Variants in KDM4B observed in about 807,000 individuals in gnomAD.
The protein encoded by KDM4B is lysine-specific demethylase 4B.
KDM4B carries 32 observed loss-of-function variants against 125.2 expected under a neutral mutation model. The observed-to-expected ratio is 0.26, with a 90% confidence interval of 0.19 to 0.34. The LOEUF (loss-of-function observed/expected upper bound fraction) is 0.34, where lower values mean the gene tolerates loss of function less well. Ranked by LOEUF, KDM4B falls within the 10% of genes least tolerant of loss-of-function variation. The probability of loss-of-function intolerance (pLI) is 1.00; values close to 1 mark genes in which losing one functional copy is unlikely to be tolerated. For missense variants in KDM4B, 1,190 were observed against 1,577.7 expected (o/e 0.75, Z 4.16); for synonymous variants, 721 against 677.9 (o/e 1.06, Z -0.99).
chr19:5,069,165 T>A (rs1374948102), intron 6 of KDM4B, among the ~76,000 whole-genome samples: 1 of 152,132 alleles, frequency 6.6e-6, no homozygotes, highest in Non-Finnish European at 1.5e-5. Flanking sequence ...GACGACAGAG[T>A]TGAAGGTGCT....
intron 1 of KDM4B, among the ~76,000 whole-genome samples, chr19:4,981,259 G>A (rs2034630877): frequency 6.6e-6 from 1 of 152,100 alleles, no homozygotes. Context: ...GTCACCCCTG[G>A]TGAGCAGGAC....
chr19:5,030,270 C>T lies in KDM4B; in HGVS notation c.-25-2596C>T, dbSNP rs932562823. Among the ~76,000 whole-genome samples, 13 of 152,320 alleles carry T rather than the reference C, an allele frequency of 8.5e-5. No individual in the cohort carries two copies. In the East Asian group the frequency reaches 1.4e-3, roughly 16 times the overall value. Reference sequence around the variant, plus strand: ...CACAGGTGTGTGCCACCGTGCCTAGCGCTTTCCTGTCGTACAGAGCACAAG... The same window carrying T: ...CACAGGTGTGTGCCACCGTGCCTAGTGCTTTCCTGTCGTACAGAGCACAAG... On this transcript the variant is annotated intron_variant, in intron 2 of 22. Transcript: ENST00000159111.
intron 9 of KDM4B, among the ~76,000 whole-genome samples, chr19:5,099,770 C>T (rs2038896605): frequency 6.6e-6 from 1 of 152,250 alleles, no homozygotes; most frequent in African/African-American, 2.4e-5. Context: ...CTCACCCCTT[C>T]TACCAGAGGA....
rs140451318 is a variant in KDM4B at position 5,023,936 on chromosome 19, G to A, written c.-26+7597G>A. ...CGCCTGGCTGATTTTTAAATTTTTT[G>A]TAGAGATGGGGTCTCGCTATGTTCA... On this transcript the variant is annotated intron_variant, in intron 2 of 22. Transcript: ENST00000159111. 9.9e-5 allele frequency among the ~76,000 whole-genome samples: 15 copies of A among 151,900 alleles called. No homozygotes were observed. The East Asian group carries it at 1.6e-3, about 16-fold the overall frequency.
intron 9 of KDM4B, among the ~76,000 whole-genome samples, chr19:5,096,465 G>A (rs995884280): frequency 2.2e-4 from 33 of 152,234 alleles, no homozygotes; most frequent in African/African-American, 7.7e-4. Flanking sequence ...TGGGGAGCAC[G>A]GTCCCAGGTC....
At chr19:4,970,123 G>T (rs1238031887) in intron 1 of KDM4B, among the ~76,000 whole-genome samples, 1 of 152,178 alleles carries the variant, frequency 6.6e-6, no homozygotes, top group Non-Finnish European at 1.5e-5. Flanking sequence ...GCCCAGGTCT[G>T]CGCTCAGTGG....
chr19:5,003,808 T>TA (rs2035467526), intron 1 of KDM4B, among the ~76,000 whole-genome samples: 2 of 151,820 alleles, frequency 1.3e-5, no homozygotes, highest in South Asian at 4.2e-4. Context: ...AGACCCCGTC[T>TA]AAAAAAAAGG....
chr19:5,060,462 A>AAAAAAAAAAAAAC (rs2037556892), intron 6 of KDM4B, among the ~76,000 whole-genome samples: 2 of 64,814 alleles, frequency 3.1e-5, no homozygotes, highest in African/African-American at 1.7e-4. Flanking sequence ...AAAAAAAAAA[A>AAAAAAAAAAAAAC]AGGGAGCCAT....
chr19:5,120,405 G>C (rs944940295), intron 11 of KDM4B, among the ~76,000 whole-genome samples: 2 of 152,232 alleles, frequency 1.3e-5, no homozygotes, highest in African/African-American at 4.8e-5. Context: ...AGCCACTTGT[G>C]GGCAGAGGGC....
At chr19:5,098,359 A>G (rs75669108) in intron 9 of KDM4B, among the ~76,000 whole-genome samples, 19 of 152,324 alleles carry the variant, frequency 1.2e-4, no homozygotes, top group African/African-American at 4.1e-4. Flanking sequence ...TATGGCTCAG[A>G]AGGCGTAATC....
At chr19:5,102,224 GT>G (rs2038951029) in intron 9 of KDM4B, among the ~76,000 whole-genome samples, 1 of 152,322 alleles carries the variant, frequency 6.6e-6, no homozygotes, top group East Asian at 1.9e-4. Context: ...CATCCTCCCT[GT>G]CCTTGCAGGT....
At chr19:5,015,346 G>A (rs533637089) in intron 1 of KDM4B, among the ~76,000 whole-genome samples, 9 of 151,902 alleles carry the variant, frequency 5.9e-5, no homozygotes, top group South Asian at 2.1e-4. Flanking sequence ...CTACCTCCCA[G>A]GTTCAAGTGA....
chr19:5,028,330 G>A (rs561648683), intron 2 of KDM4B, among the ~76,000 whole-genome samples: 2 of 152,300 alleles, frequency 1.3e-5, no homozygotes, highest in African/African-American at 4.8e-5. Context: ...AGCCTGGGGT[G>A]TAACACACGG....
At chr19:5,051,766 G>A (rs1301036283) in intron 6 of KDM4B, among the ~76,000 whole-genome samples, 4 of 152,240 alleles carry the variant, frequency 2.6e-5, no homozygotes, top group Admixed American at 6.5e-5. Context: ...GCGAAGGAGC[G>A]CTTGCCCGGA....
chr19:5,090,385 T>C, intron 9 of KDM4B, among the ~76,000 whole-genome samples: 1 of 40,456 alleles, frequency 2.5e-5, no homozygotes, highest in Admixed American at 2.8e-4. Flanking sequence ...TCCCCCCATA[T>C]CTCTCCCCCT....
chr19:4,990,673 G>A (rs958083514), intron 1 of KDM4B, among the ~76,000 whole-genome samples: 2 of 152,180 alleles, frequency 1.3e-5, no homozygotes, highest in Non-Finnish European at 2.9e-5. Context: ...ACTAGTTCTG[G>A]TCGCCTCTCC....
intron 1 of KDM4B, among the ~76,000 whole-genome samples, chr19:5,000,910 T>A (rs1032514507): frequency 6.6e-6 from 1 of 152,134 alleles, no homozygotes; most frequent in Non-Finnish European, 1.5e-5. Context: ...GGCGGAGAAG[T>A]GTCATCAACC....
chr19:5,084,988 G>A (rs537933641), intron 9 of KDM4B, among the ~76,000 whole-genome samples: 11 of 152,136 alleles, frequency 7.2e-5, no homozygotes, highest in Non-Finnish European at 1.5e-4. Context: ...TTACAGGCGC[G>A]AGCCACCACA....
intron 9 of KDM4B, among the ~76,000 whole-genome samples, chr19:5,089,006 C>T (rs2038601245): frequency 6.6e-6 from 1 of 152,010 alleles, no homozygotes. Flanking sequence ...CCGGGACAAG[C>T]CAGTGCTCAG....
Sources: gnomAD v4.1 joint callset for allele counts (sites outside exome capture counted in the v4.1 genomes callset) on GRCh38, gnomAD v4.1.1 for gene constraint, MANE v1.5 for transcripts, NCBI Gene and HGNC (gene_info 2026-07-23, HGNC 2026-07-21) for gene names.